Variants in TNK2 observed in about 807,000 individuals in gnomAD.
The protein encoded by TNK2 is activated CDC42 kinase 1.
In TNK2, 83 loss-of-function variants were observed where a neutral mutation model predicts 101.8. The ratio of observed to expected loss-of-function variants is 0.82; its 90% CI spans 0.68 to 0.98. The LOEUF is 0.98. TNK2 is among the 50% of genes least tolerant of loss of function. TNK2 has a pLI of 0.00. For synonymous variants in TNK2, 804 were observed against 633.0 expected (o/e 1.27, Z -4.06); for missense variants, 1,665 against 1,483.2 (o/e 1.12, Z -2.01).
chr3:195,868,128 C>T lies in TNK2; in HGVS notation c.2170G>A (p.Ala724Thr), dbSNP rs1742191498. ...SSAQTAEIFQ[A>T]LQQECMRQLQ... ...TGCCTCATGCACTCCTGCTGTAGCGCCTGGAAGATCTCTGCGGTCTGTGCG... is the reference window on the plus strand; with the variant it reads ...TGCCTCATGCACTCCTGCTGTAGCGTCTGGAAGATCTCTGCGGTCTGTGCG... Residue 724 changes from alanine (A) to threonine (T), a missense_variant, in exon 13 of 16, where the codon GCG becomes ACG. Physicochemically the swap from Ala to Thr is moderately conservative, Grantham distance 58. This residue lies in a region of TNK2 where 1,136 missense variants were observed against 894.9 expected (regional missense o/e 1.27). Transcript: ENST00000672887. 6.2e-7 allele frequency: 1 copy of T among 1,611,698 alleles called. No individual in the cohort carries two copies. Among genetic ancestry groups the T allele is most frequent in the Admixed American group, 1.7e-5 (1 of 59,908 alleles).
chr3:195,866,795 C>A, intron 15 of TNK2, 94 bp downstream of exon 15: 1 of 1,501,654 alleles, frequency 6.7e-7, no homozygotes, highest in Non-Finnish European at 9.0e-7. Flanking sequence ...TGGCCGGGAG[C>A]GGCCTGCGAG....
intron 15 of TNK2, among the ~76,000 whole-genome samples, chr3:195,866,173 T>A (rs1397959052): frequency 6.6e-6 from 1 of 152,228 alleles, no homozygotes; most frequent in Non-Finnish European, 1.5e-5. Context: ...ATAAACCTTT[T>A]ACAGGAAAGA....
intron 12 of TNK2, 149 bp from the exon 13 acceptor site, chr3:195,868,858 C>T: frequency 1.1e-6 from 1 of 948,872 alleles, no homozygotes; most frequent in Non-Finnish European, 1.5e-6. Flanking sequence ...CCACCGGCGG[C>T]CAGGTTCTCA....
At position 195,872,377 on chromosome 3, in the gene TNK2, C is replaced by T. The variant is rs112025939; in HGVS notation, c.1350G>A (p.Ser450=). 2.6e-5 allele frequency: 42 copies of T among 1,613,342 alleles called. No individual in the cohort carries two copies. Among genetic ancestry groups the T allele is most frequent in the African/African-American group, 1.9e-4 (14 of 75,048 alleles). ...GCAGGGGCTGGCTGATGTCCTGGGC[C>T]GACAGGCCGGCCACGGAGGTCACCA... The part of the protein sequence containing the change: ...RNVVTSVAGL[S]AQDISQPLQN... The change falls in exon 10 of 16, where the codon TCG becomes TCA. Residue 450 remains serine (S), a synonymous_variant. Coordinates refer to ENST00000672887, the MANE Select transcript of TNK2 (RefSeq NM_001382273.1).
rs1455051101 is a variant in TNK2, at chr3:195,885,388, C to G, written c.235-355G>C. The G allele has an allele frequency of 1.3e-5, 18 of 1,345,400 alleles. No individual in the cohort carries two copies. Among genetic ancestry groups the G allele is most frequent in the Non-Finnish European group, 1.7e-5 (17 of 1,026,850 alleles). 83.3% of individuals were successfully genotyped at this position (1,345,400 alleles called of 1,614,324 possible). A position where few individuals can be genotyped will look rare whatever the true frequency, so the allele number is the denominator to read the frequency against. On this transcript the variant is annotated intron_variant, in intron 3 of 15. Coordinates refer to ENST00000672887, the MANE Select transcript of TNK2 (RefSeq NM_001382273.1). This position sits in a 1 kb window ranked among gnomAD's most constrained non-coding sequence, Gnocchi z 4.7. Reference sequence around the variant, plus strand: ...GCCCCACCCTCCCTTCCTGCACCCGCCACCCCGCAGACTCCAGCCCTAACC... The same window carrying G: ...GCCCCACCCTCCCTTCCTGCACCCGGCACCCCGCAGACTCCAGCCCTAACC...
chr3:195,895,395 T>C (rs1258919126), intron 1 of TNK2: 1 of 1,536,460 alleles, frequency 6.5e-7, no homozygotes, highest in Non-Finnish European at 8.8e-7. Flanking sequence ...CCCTGCGTCC[T>C]GGGGGGCCGG....
intron 9 of TNK2, among the ~76,000 whole-genome samples, chr3:195,873,920 C>T (rs1477617894): frequency 6.6e-6 from 1 of 152,188 alleles, no homozygotes; most frequent in Admixed American, 6.5e-5. Context: ...ACACAGCCAC[C>T]CTGTGATTCC....
intron 1 of TNK2, among the ~76,000 whole-genome samples, chr3:195,901,085 T>G (rs1283005660): frequency 6.6e-6 from 1 of 152,202 alleles, no homozygotes; most frequent in African/African-American, 2.4e-5. Flanking sequence ...ACATGTCACC[T>G]AGAGCAGGCC....
At chr3:195,892,364 A>G in intron 1 of TNK2, 3 of 1,482,178 alleles carry the variant, frequency 2.0e-6, no homozygotes, top group East Asian at 2.6e-5. Flanking sequence ...GCTGGTGCTG[A>G]GGAGCCCAAC....
At chr3:195,905,549 T>A (rs1047678169) in intron 1 of TNK2, among the ~76,000 whole-genome samples, 2 of 152,044 alleles carry the variant, frequency 1.3e-5, no homozygotes, top group African/African-American at 4.8e-5. Context: ...GAGAGATACA[T>A]CTTTTTAATA....
intron 1 of TNK2, chr3:195,895,214 G>A (rs372108713): frequency 3.4e-6 from 5 of 1,484,010 alleles, no homozygotes; most frequent in Non-Finnish European, 4.5e-6. Flanking sequence ...TGGGGCCCAG[G>A]TATCTGGCTA....
In TNK2 at chr3:195,869,581, G is replaced by C. The variant is rs1281025557; in HGVS notation, c.1544-40C>G. On this transcript the variant is annotated intron_variant, in intron 11 of 15. Transcript: ENST00000672887. Reference sequence around the variant, plus strand: ...ATGCGGACAGGGGGAGAGAGACGGAGCAGGACAGAGGACAAAGGAGGGAGA... The same window carrying C: ...ATGCGGACAGGGGGAGAGAGACGGACCAGGACAGAGGACAAAGGAGGGAGA... 2.6e-6 allele frequency: 4 copies of C among 1,547,204 alleles called. No homozygotes were observed. In the South Asian group the frequency reaches 4.8e-5, roughly 18 times the overall value.
rs775043034 is a variant in TNK2 at position 195,878,561 on chromosome 3, C to T, written c.1046G>A (p.Arg349Gln). The change falls in exon 8 of 16, where the codon CGG becomes CAG. Residue 349 changes from arginine to glutamine, a missense_variant. Arg to Gln is a conservative substitution (Grantham distance 43). Coordinates refer to ENST00000672887, the MANE Select transcript of TNK2 (RefSeq NM_001382273.1). The surrounding 1 kb of genome is among the most constrained non-coding windows in gnomAD (Gnocchi z 4.7). ...GGGACAGTCCTCGGGCCGGGGCAGC[C>T]GCTCCCCCTCCTTGTCGATCTTATG... ...ILHKIDKEGE[R>Q]LPRPEDCPQD... 8 of 1,613,428 alleles carry T rather than the reference C, an allele frequency of 5.0e-6. No homozygotes were observed. Among genetic ancestry groups the T allele is most frequent in the East Asian group, 2.2e-5 (1 of 44,866 alleles).
At chr3:195,865,864 C>T (rs542929483) in intron 15 of TNK2, among the ~76,000 whole-genome samples, 108 of 151,700 alleles carry the variant, frequency 7.1e-4, no homozygotes, top group African/African-American at 2.4e-3. Flanking sequence ...CCCCATCCAT[C>T]GCGCCAGTCC....
At position 195,878,090 on chromosome 3, in the gene TNK2, C is replaced by T. The variant is rs1750441285; in HGVS notation, c.1256+163G>A. ...TGGGCAGGGAAAGGCACTAGGAAGA[C>T]GGAGGCAGGCCTGTCCTCCCCTCAC... On this transcript the variant is annotated intron_variant, in intron 9 of 15. Transcript: ENST00000672887. The surrounding 1 kb of genome is among the most constrained non-coding windows in gnomAD (Gnocchi z 4.7). 1.3e-5 allele frequency among the ~76,000 whole-genome samples: 2 copies of T among 151,722 alleles called. No individual in the cohort carries two copies. The highest frequency in any genetic ancestry group is 1.9e-4 in the East Asian group (1 of 5,170).
chr3:195,869,192 C>A (rs749800205), intron 12 of TNK2: 1 of 572,456 alleles, frequency 1.7e-6, no homozygotes, highest in Non-Finnish European at 3.1e-6. Context: ...GCCTGCAGGT[C>A]TGGGAGGCAG....
chr3:195,905,868 ATTG>A (rs754808580), intron 1 of TNK2, among the ~76,000 whole-genome samples: 4 of 152,250 alleles, frequency 2.6e-5, no homozygotes, highest in Non-Finnish European at 5.9e-5. Context: ...TTTAGAAGAC[ATTG>A]TTAAGAGGAT....
At position 195,884,923 on chromosome 3, in the gene TNK2, C is replaced by G. The variant is rs1333164994; in HGVS notation, c.345G>C (p.Gln115His). Residue 115 changes from glutamine (Q) to histidine (H), a missense_variant, in exon 4 of 16, where the codon CAG (glutamine) becomes CAC (histidine). Gln to His is a conservative substitution (Grantham distance 24). Coordinates refer to ENST00000672887, the MANE Select transcript of TNK2 (RefSeq NM_001382273.1). ...PGGPAGEGPL[Q>H]SLTCLIGEKD... is the part of the protein sequence containing the mutation. ...TCTCCCCAATGAGGCAGGTGAGGCT[C>G]TGCAGGGGCCCCTCCCCTGCTGGGC... 1.9e-6 allele frequency: 3 copies of G among 1,614,122 alleles called. No homozygotes were observed. Among genetic ancestry groups the G allele is most frequent in the African/African-American group, 1.3e-5 (1 of 75,072 alleles).
chr3:195,888,732 T>A lies in TNK2; in HGVS notation c.-18-126A>T. On this transcript the variant is annotated intron_variant, in intron 1 of 15. Coordinates refer to ENST00000672887, the MANE Select transcript of TNK2 (RefSeq NM_001382273.1). This position sits in a 1 kb window ranked among gnomAD's most constrained non-coding sequence, Gnocchi z 5.3. ...GGAAGGGCTCACACCACCTTCTGAC[T>A]CCCGAGGGAAGCTACCGAGAACCGC... 1.1e-6 allele frequency: 1 copy of A among 915,356 alleles called. No homozygotes were observed. Among genetic ancestry groups the A allele is most frequent in the Non-Finnish European group, 1.6e-6 (1 of 629,930 alleles). 56.7% of individuals were successfully genotyped at this position (915,356 alleles called of 1,614,324 possible).
Sources: allele counts gnomAD v4.1 joint callset (sites outside exome capture counted in the v4.1 genomes callset), GRCh38; gene constraint gnomAD v4.1.1; regional missense constraint gnomAD v4.1.1; non-coding constraint Gnocchi (gnomAD v3.1); transcripts MANE v1.5; gene names NCBI Gene and HGNC (gene_info 2026-07-23, HGNC 2026-07-21).